ADCY1: variants seen among roughly 807,000 people sequenced by gnomAD.
The protein encoded by ADCY1 is adenylate cyclase 1, also known as adenylate cyclase type 1.
A neutral mutation model predicts 105.4 loss-of-function variants in ADCY1; 28 were observed. The observed-to-expected ratio is 0.27, with a 90% confidence interval of 0.20 to 0.36. The LOEUF (loss-of-function observed/expected upper bound fraction) is 0.36, where lower values mean the gene tolerates loss of function less well. Among genes scored for constraint, ADCY1 ranks in the 10% least tolerant of loss-of-function variants. The probability of loss-of-function intolerance (pLI) is 1.00; values close to 1 mark genes in which losing one functional copy is unlikely to be tolerated. For synonymous variants in ADCY1, 655 were observed against 623.8 expected (o/e 1.05, Z -0.75); for missense variants, 977 against 1,434.2 (o/e 0.68, Z 5.15).
At chr7:45,630,066 CT>C (rs1371493603) in intron 4 of ADCY1, among the ~76,000 whole-genome samples, 2 of 152,030 alleles carry the variant, frequency 1.3e-5, no homozygotes, top group African/African-American at 2.4e-5. Flanking sequence ...ACTCATTTAT[CT>C]TTTTGGTGAA....
At chr7:45,668,665 C>G (rs1784308240) in intron 8 of ADCY1, among the ~76,000 whole-genome samples, 1 of 152,170 alleles carries the variant, frequency 6.6e-6, no homozygotes, top group African/African-American at 2.4e-5. Context: ...AGGGAGGATT[C>G]TCTCTTTTTC....
intron 8 of ADCY1, among the ~76,000 whole-genome samples, chr7:45,671,008 G>A (rs1784353012): frequency 1.3e-5 from 2 of 152,222 alleles, no homozygotes; most frequent in Non-Finnish European, 2.9e-5. Context: ...TCAAGTCAAG[G>A]TCTGCTTGTT....
In ADCY1 at chr7:45,574,964, G is replaced by T. The variant is rs779862034; in HGVS notation, c.421G>T (p.Ala141Ser). The change falls in exon 1 of 20, where the codon GCG becomes TCG. Residue 141 changes from alanine to serine, a missense_variant. Transcript: ENST00000297323. The surrounding 1 kb of genome is among the most constrained non-coding windows in gnomAD (Gnocchi z 7.0). ...LTFALLCCPFALGGPARGSAG... is the reference protein window; with the variant it reads ...LTFALLCCPFSLGGPARGSAG... ...CTTCGCGCTGCTCTGCTGTCCTTTCGCGCTGGGCGGCCCCGCCCGGGGTTC... is the reference window on the plus strand; with the variant it reads ...CTTCGCGCTGCTCTGCTGTCCTTTCTCGCTGGGCGGCCCCGCCCGGGGTTC... 1 of 1,611,228 alleles carries T rather than the reference G, an allele frequency of 6.2e-7. No individual in the cohort carries two copies.
Position 45,574,961 on chromosome 7 carries a change from T to C in ADCY1, c.418T>C (p.Phe140Leu). 1 of 1,611,540 alleles carries C rather than the reference T, an allele frequency of 6.2e-7. No individual in the cohort carries two copies. The highest frequency in any genetic ancestry group is 8.5e-7 in the Non-Finnish European group (1 of 1,179,400). Residue 140 changes from phenylalanine (F) to leucine (L), a missense_variant, in exon 1 of 20, where the codon TTC becomes CTC. By Grantham distance (22) the Phe-to-Leu change is conservative (BLOSUM62 0). This residue lies in a region of ADCY1 where 209 missense variants were observed against 222.5 expected (regional missense o/e 0.94). Transcript: ENST00000297323. This position sits in a 1 kb window ranked among gnomAD's most constrained non-coding sequence, Gnocchi z 7.0. Reference protein sequence around the residue: ...SLTFALLCCPFALGGPARGSA... With the variant: ...SLTFALLCCPLALGGPARGSA... ...CACCTTCGCGCTGCTCTGCTGTCCT[T>C]TCGCGCTGGGCGGCCCCGCCCGGGG...
chr7:45,641,083 T>G (rs1295618038), intron 4 of ADCY1, among the ~76,000 whole-genome samples: 1 of 152,222 alleles, frequency 6.6e-6, no homozygotes, highest in African/African-American at 2.4e-5. Context: ...AAGGGACTCA[T>G]GGAAGCCAGC....
intron 3 of ADCY1, among the ~76,000 whole-genome samples, chr7:45,615,682 A>G (rs775407495): frequency 6.6e-6 from 1 of 152,202 alleles, no homozygotes. Flanking sequence ...ACCCAAACTT[A>G]TGGGATGGAA....
chr7:45,710,803 G>A lies in ADCY1; in HGVS notation c.3057+151G>A, dbSNP rs1785217749. The A allele has an allele frequency of 4.4e-6, 5 of 1,133,148 alleles. No homozygotes were observed. Among genetic ancestry groups the A allele is most frequent in the South Asian group, 3.7e-5 (2 of 54,594 alleles). 70.2% of individuals were successfully genotyped at this position (1,133,148 alleles called of 1,614,324 possible). ...TATTTCGGTCTGTCTGCTCTGGAGG[G>A]CATCCTGGCCCGGGCATCTTGATTT... On this transcript the variant is annotated intron_variant, in intron 19 of 19. Transcript: ENST00000297323. The surrounding 1 kb of genome is among the most constrained non-coding windows in gnomAD (Gnocchi z 4.7).
chr7:45,663,931 C>T (rs962155370), intron 8 of ADCY1, among the ~76,000 whole-genome samples: 4 of 152,108 alleles, frequency 2.6e-5, no homozygotes, highest in African/African-American at 9.7e-5. Context: ...GGAATGGAGT[C>T]GTGCTGTTGC....
At chr7:45,662,653 T>G (rs1352291671) in intron 8 of ADCY1, among the ~76,000 whole-genome samples, 15 of 151,982 alleles carry the variant, frequency 9.9e-5, no homozygotes, top group Admixed American at 9.2e-4. Flanking sequence ...CCTGGCTCCC[T>G]CTCTATGCAG....
chr7:45,709,021 A>C (rs1215964551), intron 18 of ADCY1, among the ~76,000 whole-genome samples: 1 of 152,140 alleles, frequency 6.6e-6, no homozygotes, highest in African/African-American at 2.4e-5. Flanking sequence ...ACAGTTTACC[A>C]GAAATAAATT....
intron 14 of ADCY1, among the ~76,000 whole-genome samples, chr7:45,699,941 A>C (rs556465616): frequency 4.9e-4 from 75 of 152,154 alleles, no homozygotes; most frequent in Admixed American, 7.9e-4. Context: ...TGTGAAGTCC[A>C]GGCTGGCCAC....
chr7:45,619,972 CAT>C (rs1451136642), intron 3 of ADCY1, among the ~76,000 whole-genome samples: 2 of 152,276 alleles, frequency 1.3e-5, no homozygotes, highest in East Asian at 3.9e-4. Context: ...CACATATACA[CAT>C]GAGTAAACAC....
At chr7:45,671,254 G>A (rs1784359926) in intron 8 of ADCY1, among the ~76,000 whole-genome samples, 1 of 152,130 alleles carries the variant, frequency 6.6e-6, no homozygotes, top group African/African-American at 2.4e-5. Flanking sequence ...TCCAAGTTGT[G>A]TGTGTTAATA....
intron 8 of ADCY1, among the ~76,000 whole-genome samples, chr7:45,666,717 T>G (rs1306115197): frequency 6.6e-6 from 1 of 152,256 alleles, no homozygotes; most frequent in Admixed American, 6.5e-5. Context: ...TCTTCCACAA[T>G]GGTTGAACCA....
intron 2 of ADCY1, among the ~76,000 whole-genome samples, chr7:45,607,796 G>A (rs1489419634): frequency 6.6e-6 from 1 of 152,182 alleles, no homozygotes; most frequent in African/African-American, 2.4e-5. Flanking sequence ...TGGCTGCATA[G>A]TATTCCATGG....
rs78419416 is a variant in ADCY1, at chr7:45,611,947, A to G, written c.908+1450A>G. ...CAGTCCTTCTTATGTTGAGCACCAC[A>G]GACTGGGTCCCTGCAAACCAACACT... On this transcript the variant is annotated intron_variant, in intron 3 of 19. Transcript: ENST00000297323. Among the ~76,000 whole-genome samples, 404 of 152,328 alleles carry G rather than the reference A, an allele frequency of 2.7e-3. 1 individual carries two copies. Among genetic ancestry groups the G allele is most frequent in the Middle Eastern group, 0.017 (5 of 294 alleles).
intron 17 of ADCY1, among the ~76,000 whole-genome samples, chr7:45,705,960 TA>T (rs1785109698): frequency 6.6e-6 from 1 of 152,280 alleles, no homozygotes; most frequent in East Asian, 1.9e-4. Context: ...TTTATAGTAG[TA>T]GCCAAAAAAT....
chr7:45,601,050 G>T (rs1202460482), intron 2 of ADCY1, among the ~76,000 whole-genome samples: 1 of 152,178 alleles, frequency 6.6e-6, no homozygotes, highest in African/African-American at 2.4e-5. Flanking sequence ...TCAAATAAAA[G>T]TCGAGTGTAT....
chr7:45,667,890 C>A (rs1236137306), intron 8 of ADCY1, among the ~76,000 whole-genome samples: 1 of 152,154 alleles, frequency 6.6e-6, no homozygotes, highest in Non-Finnish European at 1.5e-5. Context: ...CTCTTTGAAG[C>A]AATTGTGAAT....
Sources: gnomAD v4.1 joint callset for allele counts (sites outside exome capture counted in the v4.1 genomes callset) on GRCh38, gnomAD v4.1.1 for gene constraint, gnomAD v4.1.1 regional missense constraint, Gnocchi (gnomAD v3.1) non-coding constraint, MANE v1.5 for transcripts, NCBI Gene and HGNC (gene_info 2026-07-23, HGNC 2026-07-21) for gene names.